The following DHRSX variants were observed in gnomAD, a reference collection of about 807,000 sequenced individuals.
The protein encoded by DHRSX is dehydrogenase/reductase X-linked.
DHRSX carries 31 observed loss-of-function variants against 34.0 expected under a neutral mutation model. The observed-to-expected ratio is 0.91, with a 90% confidence interval of 0.69 to 1.23. The LOEUF is 1.23. DHRSX is among the 50% of genes most tolerant of loss of function. The pLI, the probability that DHRSX is intolerant of heterozygous loss-of-function variation, is 0.00. For missense variants in DHRSX, 414 were observed against 428.1 expected (o/e 0.97, Z 0.29); for synonymous variants, 201 against 183.8 (o/e 1.09, Z -0.76).
At chrX:2,246,730 AAG>A (rs1236908724) in intron 5 of DHRSX, among the ~76,000 whole-genome samples, 5 of 114,594 alleles carry the variant, frequency 4.4e-5, no homozygotes, top group Non-Finnish European at 8.9e-5. Context: ...GAAAGAAAGA[AAG>A]AAAGAAAGAA....
chrX:2,337,884 T>C (rs2042588340), intron 3 of DHRSX: 1 of 151,892 alleles, frequency 6.6e-6, no homozygotes, highest in Admixed American at 6.6e-5. Context: ...TCCAGCTTCA[T>C]AGACTGTCTT....
chrX:2,314,475 A>AGGAAGGAAGGAAGGAAGGGAGGAAGGG (rs2042215968), intron 3 of DHRSX, among the ~76,000 whole-genome samples: 1 of 65,824 alleles, frequency 1.5e-5, no homozygotes, highest in African/African-American at 1.1e-4. Context: ...GGGGAGAAGG[A>AGGAAGGAAGGAAGGAAGGGAGGAAGGG]AGGAAGGAAG....
chrX:2,347,561 G>A (rs1158896316), intron 3 of DHRSX, among the ~76,000 whole-genome samples: 2 of 152,204 alleles, frequency 1.3e-5, no homozygotes, highest in Non-Finnish European at 2.9e-5. Flanking sequence ...GTGCATGGTG[G>A]CGGGCACCTG....
At chrX:2,453,944 T>C (rs1391926073) in intron 1 of DHRSX, among the ~76,000 whole-genome samples, 4 of 152,190 alleles carry the variant, frequency 2.6e-5, no homozygotes, top group African/African-American at 7.2e-5. Context: ...GTTAATTAAC[T>C]TTATTGTTAA....
At position 2,367,777 on chromosome X, in the gene DHRSX, C is replaced by T. The variant is rs764521711; in HGVS notation, c.286+40968G>A. ...TTTAGCAAAACATTATGATTTGATA[C>T]AACTGGATGGTGGGTACACAAATGC... On this transcript the variant is annotated intron_variant, in intron 3 of 6. Transcript: ENST00000334651. Among the ~76,000 whole-genome samples the T allele has an allele frequency of 7.1e-4, 108 of 152,252 alleles. 1 individual carries two copies. Among genetic ancestry groups the T allele is most frequent in the Admixed American group, 3.5e-3 (54 of 15,282 alleles).
chrX:2,376,765 G>C (rs1365664920), intron 3 of DHRSX, among the ~76,000 whole-genome samples: 1 of 152,044 alleles, frequency 6.6e-6, no homozygotes, highest in Admixed American at 6.6e-5. Flanking sequence ...GGAGGCTGAG[G>C]CAGGCAGATC....
intron 1 of DHRSX, among the ~76,000 whole-genome samples, chrX:2,446,006 G>A (rs2044128289): frequency 6.6e-6 from 1 of 151,934 alleles, no homozygotes; most frequent in African/African-American, 2.4e-5. Context: ...ATGCAGCCAA[G>A]GGACCGCTGC....
intron 3 of DHRSX, among the ~76,000 whole-genome samples, chrX:2,306,626 T>A (rs1284053259): frequency 6.6e-6 from 1 of 152,090 alleles, no homozygotes; most frequent in Non-Finnish European, 1.5e-5. Context: ...CTAATTTTTG[T>A]ATTTGTAGTA....
intron 3 of DHRSX, among the ~76,000 whole-genome samples, chrX:2,371,637 A>C (rs2043071862): frequency 7.1e-6 from 1 of 141,574 alleles, no homozygotes; most frequent in African/African-American, 2.7e-5. Context: ...TCCTCCCGTT[A>C]CCATAGTCCA....
At chrX:2,237,181 AT>A (rs1190784600) in intron 6 of DHRSX, among the ~76,000 whole-genome samples, 1 of 152,168 alleles carries the variant, frequency 6.6e-6, no homozygotes, top group East Asian at 1.9e-4. Context: ...GAGAGGTTCC[AT>A]CTTAAAAAAA....
intron 1 of DHRSX, among the ~76,000 whole-genome samples, chrX:2,482,125 CT>C (rs1181406060): frequency 7.8e-6 from 1 of 127,446 alleles, no homozygotes; most frequent in Admixed American, 7.7e-5. Context: ...GCCACCACGT[CT>C]GGCTTTTTTT....
chrX:2,266,201 T>TCC (rs2041466143), intron 5 of DHRSX, among the ~76,000 whole-genome samples: 17 of 47,340 alleles, frequency 3.6e-4, no homozygotes, highest in South Asian at 8.0e-4. Context: ...CACCAGTGCT[T>TCC]GGCAGACGCA....
chrX:2,475,021 A>C (rs2044655460), intron 1 of DHRSX, among the ~76,000 whole-genome samples: 2 of 150,514 alleles, frequency 1.3e-5, no homozygotes, highest in Non-Finnish European at 3.0e-5. Context: ...ATGCAGCCAA[A>C]GAACTGCCAC....
intron 3 of DHRSX, among the ~76,000 whole-genome samples, chrX:2,381,547 A>C (rs983520794): frequency 6.6e-6 from 1 of 151,002 alleles, no homozygotes; most frequent in Non-Finnish European, 1.5e-5. Flanking sequence ...GCTTGAACCC[A>C]GAGGGCAGAG....
chrX:2,432,894 G>C (rs1217900422), intron 1 of DHRSX, among the ~76,000 whole-genome samples: 2 of 152,142 alleles, frequency 1.3e-5, no homozygotes, highest in Non-Finnish European at 2.9e-5. Flanking sequence ...GGGCTGAGGT[G>C]GGGGTATCGC....
intron 1 of DHRSX, chrX:2,490,085 G>A (rs144439457): frequency 1.5e-4 from 238 of 1,613,710 alleles, no homozygotes; most frequent in Non-Finnish European, 1.9e-4. Flanking sequence ...GGCGGCCAGC[G>A]TGACGTAGGC....
At chrX:2,491,028 C>G (rs2045124824) in intron 1 of DHRSX, among the ~76,000 whole-genome samples, 1 of 150,534 alleles carries the variant, frequency 6.6e-6, no homozygotes, top group Non-Finnish European at 1.5e-5. Context: ...CGAGTGAGCA[C>G]GGCATTTTTG....
chrX:2,396,151 CTG>C (rs2043406736), intron 3 of DHRSX, among the ~76,000 whole-genome samples: 1 of 151,946 alleles, frequency 6.6e-6, no homozygotes, highest in South Asian at 2.1e-4. Flanking sequence ...TCCTCTGTGT[CTG>C]TGTCTCCTCT....
chrX:2,432,061 T>G (rs1456241833), intron 1 of DHRSX, among the ~76,000 whole-genome samples: 5 of 151,898 alleles, frequency 3.3e-5, no homozygotes, highest in South Asian at 2.1e-4. Flanking sequence ...CGTGGTGGTG[T>G]GTGCCACCTG....
Sources: gnomAD v4.1 joint callset for allele counts (sites outside exome capture counted in the v4.1 genomes callset) on GRCh38, gnomAD v4.1.1 for gene constraint, MANE v1.5 for transcripts, NCBI Gene and HGNC (gene_info 2026-07-23, HGNC 2026-07-21) for gene names.